The following STK33 variants were observed in gnomAD, a reference collection of about 807,000 sequenced individuals.
STK33 encodes the protein serine/threonine kinase 33.
STK33 carries 52 observed loss-of-function variants against 58.0 expected under a neutral mutation model. That is an observed-to-expected ratio of 0.90 (90% CI 0.72 to 1.13). The LOEUF (loss-of-function observed/expected upper bound fraction) is 1.13. Ranked by LOEUF, STK33 falls within the 50% of genes most tolerant of loss-of-function variation. STK33 has a pLI of 0.00. For synonymous variants in STK33, 215 were observed against 200.1 expected, an observed-to-expected ratio of 1.07 and a Z score of -0.63; for missense variants, 630 against 604.2, an observed-to-expected ratio of 1.04 and a Z score of -0.45.
chr11:8,488,364 T>C (rs1950333631), intron 1 of STK33, among the ~76,000 whole-genome samples: 1 of 151,888 alleles, frequency 6.6e-6, no homozygotes, highest in Admixed American at 6.6e-5. Context: ...TTCCTAGGAA[T>C]CTAGGAAGCT....
chr11:8,593,197 A>G (rs922271993), intron 1 of STK33, among the ~76,000 whole-genome samples: 6 of 152,244 alleles, frequency 3.9e-5, no homozygotes, highest in Admixed American at 6.5e-5. Context: ...CTGCATATCC[A>G]TCACTGTCTA....
intron 15 of STK33, among the ~76,000 whole-genome samples, chr11:8,401,857 G>T (rs75959610): frequency 0.012 from 1,872 of 151,834 alleles, 34 homozygotes; most frequent in African/African-American, 0.042. Flanking sequence ...CAAAAGACAC[G>T]TGAAAAAATG....
chr11:8,429,716 C>G (rs576873474), intron 14 of STK33, among the ~76,000 whole-genome samples: 2 of 152,252 alleles, frequency 1.3e-5, no homozygotes, highest in East Asian at 3.9e-4. Flanking sequence ...AACTCACTAA[C>G]TGATAGAGTC....
At position 8,413,588 on chromosome 11, in the gene STK33, A is replaced by G. The variant is rs776243942; in HGVS notation, c.1251T>C (p.Asn417=). 1 of 1,614,004 alleles carries G rather than the reference A, an allele frequency of 6.2e-7. No individual in the cohort carries two copies. The highest frequency in any genetic ancestry group is 8.5e-7 in the Non-Finnish European group (1 of 1,179,950). ...SVEENTTEEK[N]KPSTEEKLKS... ...TCAACTTTTCTTCAGTGGACGGCTT[A>G]TTCTTCTCTTCTGTTGTGTTTTCCT... The change falls in exon 15 of 16, where the codon AAT becomes AAC. Residue 417 remains asparagine, a synonymous_variant. Coordinates refer to ENST00000687296, the MANE Select transcript of STK33 (RefSeq NM_001352389.2).
At chr11:8,379,422 T>C in the STK33 span, among the ~76,000 whole-genome samples, 1 of 152,018 alleles carries the variant, frequency 6.6e-6, no homozygotes, top group East Asian at 1.9e-4. Context: ...ATCTAGAATC[T>C]ACAAATAACT....
intron 1 of STK33, among the ~76,000 whole-genome samples, chr11:8,556,975 G>A (rs1197333705): frequency 6.6e-6 from 1 of 151,834 alleles, no homozygotes; most frequent in Admixed American, 6.6e-5. Flanking sequence ...CTTAAACCAG[G>A]CATGGTGTCT....
At chr11:8,455,414 G>A (rs1178645169) in intron 9 of STK33, among the ~76,000 whole-genome samples, 2 of 152,182 alleles carry the variant, frequency 1.3e-5, no homozygotes, top group Non-Finnish European at 2.9e-5. Flanking sequence ...TCAGAGCTCA[G>A]GTACAATTTT....
chr11:8,391,507 T>C (rs1347850177), downstream of STK33, among the ~76,000 whole-genome samples: 1 of 152,248 alleles, frequency 6.6e-6, no homozygotes, highest in Non-Finnish European at 1.5e-5. Context: ...AACTAGTATA[T>C]GCTCAGCTGG....
At chr11:8,498,947 A>G (rs1344985524) in intron 1 of STK33, among the ~76,000 whole-genome samples, 1 of 152,200 alleles carries the variant, frequency 6.6e-6, no homozygotes, top group Admixed American at 6.5e-5. Flanking sequence ...TGAATTAAAG[A>G]CTTAAACGTA....
chr11:8,571,857 C>T (rs754362496), intron 1 of STK33, among the ~76,000 whole-genome samples: 15 of 142,922 alleles, frequency 1.0e-4, no homozygotes, highest in Non-Finnish European at 1.8e-4. Context: ...GTTAAAATGT[C>T]AATTTTATAT....
the STK33 span, among the ~76,000 whole-genome samples, chr11:8,352,167 G>A: frequency 6.6e-6 from 1 of 152,186 alleles, no homozygotes; most frequent in Non-Finnish European, 1.5e-5. Context: ...TGGGGGAAAA[G>A]GAGTTTAGAA....
rs1215085891 is a variant in STK33, at chr11:8,476,754, A to G, written c.-226-3T>C. On this transcript the variant is annotated splice_polypyrimidine_tract_variant and splice_region_variant and intron_variant, in intron 3 of 15. Coordinates refer to ENST00000687296, the MANE Select transcript of STK33 (RefSeq NM_001352389.2). ...AAGTTTCATAGCAGAGTCCTCTCCT[A>G]CTTTTATTGAACAGATGATTCTTAT... The G allele has an allele frequency of 1.3e-5, 2 of 152,152 alleles. No individual in the cohort carries two copies. The highest frequency in any genetic ancestry group is 2.9e-5 in the Non-Finnish European group (2 of 68,034). 9.4% of individuals were successfully genotyped at this position (152,152 alleles called of 1,614,324 possible).
chr11:8,454,543 A>C (rs1426494367), intron 10 of STK33, among the ~76,000 whole-genome samples: 1 of 152,192 alleles, frequency 6.6e-6, no homozygotes, highest in Admixed American at 6.5e-5. Context: ...GTACTTTAAA[A>C]ACACATTCAA....
At chr11:8,433,641 T>A (rs1943679942) in intron 14 of STK33, among the ~76,000 whole-genome samples, 1 of 152,198 alleles carries the variant, frequency 6.6e-6, no homozygotes, top group African/African-American at 2.4e-5. Context: ...AATAAATCTA[T>A]TTCTCCTACA....
chr11:8,528,064 A>G (rs2140053443), intron 1 of STK33, among the ~76,000 whole-genome samples: 1 of 152,296 alleles, frequency 6.6e-6, no homozygotes, highest in African/African-American at 2.4e-5. Flanking sequence ...AGTGTTATAC[A>G]TGGATTTCTC....
At chr11:8,444,150 A>T (rs1945110643) in intron 11 of STK33, among the ~76,000 whole-genome samples, 1 of 152,098 alleles carries the variant, frequency 6.6e-6, no homozygotes, top group Non-Finnish European at 1.5e-5. Context: ...TGGGAGCTTT[A>T]TTTATTATTT....
chr11:8,541,750 A>G (rs1955536226), intron 1 of STK33, among the ~76,000 whole-genome samples: 1 of 152,208 alleles, frequency 6.6e-6, no homozygotes, highest in South Asian at 2.1e-4. Context: ...GTATTAAAAT[A>G]CTACTTTCAA....
rs1341315377 is a variant in STK33, at chr11:8,537,796, C to A, written c.-466+56287G>T. The stretch of plus-strand genomic sequence containing the variant: ...CTGCACTCCAGCCTGGGGAACAGAG[C>A]GAGACTCTGTTTCAAAAAAAAAAAA... On this transcript the variant is annotated intron_variant, in intron 1 of 15. Coordinates refer to ENST00000687296, the MANE Select transcript of STK33 (RefSeq NM_001352389.2). Among the ~76,000 whole-genome samples the A allele has an allele frequency of 9.7e-5, 13 of 134,306 alleles. 1 individual carries two copies. The highest frequency in any genetic ancestry group is 3.7e-4 in the African/African-American group (13 of 34,776). The allele number at this position is 134,306 out of a possible 152,430, so 88.1% of individuals were successfully genotyped here. A position where few individuals can be genotyped will look rare whatever the true frequency, so the allele number is the denominator to read the frequency against.
chr11:8,454,689 C>T, intron 10 of STK33, 55 bp downstream of exon 10: 3 of 1,511,126 alleles, frequency 2.0e-6, no homozygotes, highest in South Asian at 1.3e-5. Context: ...TGTACTTTGC[C>T]ACTTTGCTAT....
Sources: allele counts gnomAD v4.1 joint callset (sites outside exome capture counted in the v4.1 genomes callset), GRCh38; gene constraint gnomAD v4.1.1; transcripts MANE v1.5; gene names NCBI Gene and HGNC (gene_info 2026-07-23, HGNC 2026-07-21).